The following RRP15 variants were observed in gnomAD, a reference collection of about 807,000 sequenced individuals.
RRP15 encodes the protein RRP15-like protein.
In RRP15, 18 loss-of-function variants were observed where a neutral mutation model predicts 27.1. The ratio of observed to expected loss-of-function variants is 0.66; its 90% confidence interval spans 0.46 to 0.98. The LOEUF (loss-of-function observed/expected upper bound fraction) is 0.98, where lower values mean the gene tolerates loss of function less well. RRP15 is among the 50% of genes least tolerant of loss of function. RRP15 has a pLI of 0.00. For synonymous variants in RRP15, 107 were observed against 109.4 expected, an observed-to-expected ratio of 0.98 and a Z score of 0.14; for missense variants, 359 against 337.8, an observed-to-expected ratio of 1.06 and a Z score of -0.49.
rs144854634 is a variant in RRP15, at chr1:218,310,307, A to G, written c.705+2675A>G. Among the ~76,000 whole-genome samples, 226 of 152,228 alleles carry G rather than the reference A, an allele frequency of 1.5e-3. 1 individual carries two copies. Among genetic ancestry groups the G allele is most frequent in the African/African-American group, 5.1e-3 (211 of 41,496 alleles). ...AAATTCAATATTCCTAATATTGTGA[A>G]GTCTCTAAAATTGGAGGCCACCCAC... On this transcript the variant is annotated intron_variant, in intron 4 of 4. Coordinates refer to ENST00000366932, the MANE Select transcript of RRP15 (RefSeq NM_016052.4).
rs34150523 is a variant in RRP15, at chr1:218,331,651, C to CTTTTTTTTTTTTTTTT, written c.*584_*599dup. 1 of 35,616 alleles carries CTTTTTTTTTTTTTTTT rather than the reference C, an allele frequency of 2.8e-5. No homozygotes were observed. The highest frequency in any genetic ancestry group is 1.1e-3 in the East Asian group (1 of 888). The allele number at this position is 35,616 out of a possible 1,614,324, so 2.2% of individuals were successfully genotyped here. On this transcript the variant is annotated 3_prime_UTR_variant, in exon 5 of 5. Coordinates refer to ENST00000366932, the MANE Select transcript of RRP15 (RefSeq NM_016052.4). ...TGATTTAAGAAACAACAGATTTCAA[C>CTTTTTTTTTTTTTTTT]TTTTTTTTTTTTTTTTTTTTTTTTT...
At chr1:218,294,098 T>C (rs1294636452) in intron 1 of RRP15, among the ~76,000 whole-genome samples, 2 of 152,170 alleles carry the variant, frequency 1.3e-5, no homozygotes, top group Admixed American at 6.5e-5. Context: ...ATTAGAGATA[T>C]ACAGCCGGTG....
At chr1:218,288,298 G>C (rs529588297) in intron 1 of RRP15, among the ~76,000 whole-genome samples, 1 of 152,336 alleles carries the variant, frequency 6.6e-6, no homozygotes, top group South Asian at 2.1e-4. Context: ...TTTTCAAAAA[G>C]AAAGTATTCA....
chr1:218,321,917 T>C (rs1656193339), intron 4 of RRP15, among the ~76,000 whole-genome samples: 1 of 152,150 alleles, frequency 6.6e-6, no homozygotes, highest in South Asian at 2.1e-4. Context: ...TTATACTTAA[T>C]GGTAAATCAT....
Position 218,331,518 on chromosome 1 carries a change from T to C in RRP15, c.*427T>C, listed in dbSNP as rs1381320223. The C allele has an allele frequency of 1.3e-5, 2 of 152,320 alleles. No homozygotes were observed. Among genetic ancestry groups the C allele is most frequent in the Middle Eastern group, 3.4e-3 (1 of 294 alleles). The allele number at this position is 152,320 out of a possible 1,614,324, so 9.4% of individuals were successfully genotyped here. A position where few individuals can be genotyped will look rare whatever the true frequency, so the allele number is the denominator to read the frequency against. On this transcript the variant is annotated 3_prime_UTR_variant, in exon 5 of 5. Coordinates refer to ENST00000366932, the MANE Select transcript of RRP15 (RefSeq NM_016052.4). Reference sequence around the variant, plus strand: ...GTAGTTTTTGGGAATGGTTGGTGTTTTTTGCTTTGTGTTGGGAAGTTATTG... The same window carrying C: ...GTAGTTTTTGGGAATGGTTGGTGTTCTTTGCTTTGTGTTGGGAAGTTATTG...
intron 1 of RRP15, among the ~76,000 whole-genome samples, chr1:218,285,857 CTTTT>C (rs911719473): frequency 6.6e-6 from 1 of 152,026 alleles, no homozygotes; most frequent in Non-Finnish European, 1.5e-5. Flanking sequence ...GTGTACTTGA[CTTTT>C]TGTGCGGTAG....
At chr1:218,293,575 A>C (rs967362026) in intron 1 of RRP15, among the ~76,000 whole-genome samples, 2 of 152,220 alleles carry the variant, frequency 1.3e-5, no homozygotes, top group African/African-American at 4.8e-5. Context: ...ATTGATAGGG[A>C]TGTGCCCTAT....
chr1:218,295,081 C>T (rs542170358), intron 1 of RRP15, among the ~76,000 whole-genome samples: 5 of 152,292 alleles, frequency 3.3e-5, no homozygotes, highest in South Asian at 4.1e-4. Context: ...AATATATACT[C>T]GGTTCTTAAG....
chr1:218,333,043 GAA>G lies in RRP15; in HGVS notation c.*1954_*1955del, dbSNP rs1281650613. ...AATACCTTATTTACTAAAATGTTTT[GAA>G]ACATATTTTATAGTCCCTCATTTGA... is the stretch of plus-strand genomic sequence containing the variant. On this transcript the variant is annotated 3_prime_UTR_variant, in exon 5 of 5. Transcript: ENST00000366932. The G allele has an allele frequency of 7.2e-5, 11 of 151,968 alleles. No individual in the cohort carries two copies. The highest frequency in any genetic ancestry group is 2.6e-4 in the Admixed American group (4 of 15,260). 9.4% of individuals were successfully genotyped at this position (151,968 alleles called of 1,614,324 possible).
At chr1:218,327,422 C>T (rs1279956864) in intron 4 of RRP15, among the ~76,000 whole-genome samples, 1 of 152,138 alleles carries the variant, frequency 6.6e-6, no homozygotes, top group African/African-American at 2.4e-5. Context: ...CCCTCCTTAG[C>T]TTCCCCAGTA....
chr1:218,287,347 T>C (rs1221660585), intron 1 of RRP15, among the ~76,000 whole-genome samples: 1 of 152,150 alleles, frequency 6.6e-6, no homozygotes, highest in Non-Finnish European at 1.5e-5. Flanking sequence ...TTTCAGCGTA[T>C]TATTATAAAT....
chr1:218,324,707 C>T (rs993858270), intron 4 of RRP15, among the ~76,000 whole-genome samples: 1 of 151,922 alleles, frequency 6.6e-6, no homozygotes. Flanking sequence ...TCTCCTTTGG[C>T]CACTCAATGT....
chr1:218,294,885 T>C (rs190898420), intron 1 of RRP15, among the ~76,000 whole-genome samples: 23 of 152,302 alleles, frequency 1.5e-4, no homozygotes, highest in Middle Eastern at 6.8e-3. Context: ...CTTTGGAGAT[T>C]CCAAGGATTT....
At position 218,290,437 on chromosome 1, in the gene RRP15, T is replaced by G. The variant is rs1194477178; in HGVS notation, c.139+4982T>G. Among the ~76,000 whole-genome samples, 3 of 152,002 alleles carry G rather than the reference T, an allele frequency of 2.0e-5. 1 individual carries two copies. Among genetic ancestry groups the G allele is most frequent in the African/African-American group, 7.3e-5 (3 of 41,290 alleles). On this transcript the variant is annotated intron_variant, in intron 1 of 4. Transcript: ENST00000366932. ...TACATAACCTTGTCTTATGTGGATT[T>G]TTTTTGGGTTTTTTGTTTGTTTGTT...
chr1:218,310,118 A>G (rs1655968928), intron 4 of RRP15, among the ~76,000 whole-genome samples: 1 of 152,218 alleles, frequency 6.6e-6, no homozygotes. Context: ...AAGAAAGTAG[A>G]AAGTAATATT....
chr1:218,314,533 G>C (rs1656050289), intron 4 of RRP15, among the ~76,000 whole-genome samples: 1 of 152,128 alleles, frequency 6.6e-6, no homozygotes, highest in Admixed American at 6.5e-5. Context: ...TATATTGGCT[G>C]CTCTTAGGAA....
intron 1 of RRP15, among the ~76,000 whole-genome samples, chr1:218,296,539 GGGAGGCTGAAA>G (rs1192980923): frequency 2.0e-5 from 3 of 151,900 alleles, no homozygotes; most frequent in East Asian, 3.9e-4. Flanking sequence ...CCAGCTACTT[GGGAGGCTGAAA>G]GGAGAGGATT....
chr1:218,320,693 C>A lies in RRP15; in HGVS notation c.706-10255C>A, dbSNP rs182087568. On this transcript the variant is annotated intron_variant, in intron 4 of 4. Transcript: ENST00000366932. ...ATTATAAAATCAAGTTGTTTTCCACCCCATTCTGCACACTCTTCATAGCTC... is the reference window on the plus strand; with the variant it reads ...ATTATAAAATCAAGTTGTTTTCCACACCATTCTGCACACTCTTCATAGCTC... 3.3e-5 allele frequency among the ~76,000 whole-genome samples: 5 copies of A among 151,798 alleles called. No homozygotes were observed. In the East Asian group the frequency reaches 9.7e-4, roughly 29 times the overall value.
intron 4 of RRP15, among the ~76,000 whole-genome samples, chr1:218,329,859 GCTAT>G (rs1656338392): frequency 6.6e-6 from 1 of 151,778 alleles, no homozygotes; most frequent in Non-Finnish European, 1.5e-5. Flanking sequence ...ATGTTTCAGG[GCTAT>G]CTTTTTTTAA....
Sources: gnomAD v4.1 joint callset for allele counts (sites outside exome capture counted in the v4.1 genomes callset) on GRCh38, gnomAD v4.1.1 for gene constraint, MANE v1.5 for transcripts, NCBI Gene and HGNC (gene_info 2026-07-23, HGNC 2026-07-21) for gene names.